Variants in ATP10B observed in about 807,000 individuals in gnomAD.
The protein encoded by ATP10B is ATPase phospholipid transporting 10B (putative).
Under a neutral mutation model 141.2 loss-of-function variants are expected in ATP10B, and 122 were observed. The observed-to-expected ratio is 0.86, with a 90% confidence interval of 0.75 to 1.00. ATP10B has a LOEUF of 1.00. Among genes scored for constraint, ATP10B ranks in the 50% least tolerant of loss-of-function variants. ATP10B has a pLI of 0.00. For missense variants in ATP10B, 1,876 were observed against 1,825.3 expected (o/e 1.03, Z -0.51); for synonymous variants, 685 against 692.0 (o/e 0.99, Z 0.16).
chr5:160,660,309 A>C (rs2127711658), intron 7 of ATP10B, among the ~76,000 whole-genome samples: 1 of 152,346 alleles, frequency 6.6e-6, no homozygotes, highest in Middle Eastern at 3.4e-3. Context: ...AAAGACCACT[A>C]ACGTTATGTG....
At chr5:160,753,716 C>T (rs1245158463) in intron 2 of ATP10B, among the ~76,000 whole-genome samples, 1 of 152,154 alleles carries the variant, frequency 6.6e-6, no homozygotes, top group African/African-American at 2.4e-5. Flanking sequence ...TGGTAGCTAA[C>T]ATTTATTGAG....
intron 1 of ATP10B, among the ~76,000 whole-genome samples, chr5:160,842,806 T>TA (rs1486659096): frequency 6.6e-6 from 1 of 150,646 alleles, no homozygotes. Flanking sequence ...TTTAAAACAT[T>TA]CCCACACACA....
chr5:160,901,872 A>G, the ATP10B span, among the ~76,000 whole-genome samples: 4 of 152,178 alleles, frequency 2.6e-5, no homozygotes, highest in Non-Finnish European at 5.9e-5. Flanking sequence ...GCTAAGCACC[A>G]TGTCTTATAG....
chr5:160,813,410 C>T (rs1265344306), intron 1 of ATP10B, among the ~76,000 whole-genome samples: 2 of 152,216 alleles, frequency 1.3e-5, no homozygotes, highest in African/African-American at 4.8e-5. Flanking sequence ...TAAGATCAAA[C>T]TGCAAGGCAG....
chr5:160,590,837 G>GTATAAATATAGCTTTCAGTTT (rs1245174990), intron 23 of ATP10B, among the ~76,000 whole-genome samples: 9 of 152,300 alleles, frequency 5.9e-5, no homozygotes, highest in African/African-American at 2.2e-4. Flanking sequence ...AAATGACCCA[G>GTATAAATATAGCTTTCAGTTT]TATAAATATA....
At chr5:160,869,393 A>G in the ATP10B span, among the ~76,000 whole-genome samples, 1 of 151,844 alleles carries the variant, frequency 6.6e-6, no homozygotes, top group Non-Finnish European at 1.5e-5. Context: ...AAACATAAAT[A>G]TTATTTAAAA....
chr5:160,606,754 A>G lies in ATP10B; in HGVS notation c.3160+11T>C, dbSNP rs1757414242. ...GCCAAAGTGCCACCCGCATCTCAGT[A>G]TGATGGGTACCTATGGAAAGGGTCA... On this transcript the variant is annotated intron_variant, in intron 19 of 25. Transcript: ENST00000327245. The G allele has an allele frequency of 1.2e-6, 2 of 1,607,834 alleles. No individual in the cohort carries two copies. Among genetic ancestry groups the G allele is most frequent in the Non-Finnish European group, 1.7e-6 (2 of 1,175,346 alleles).
intron 1 of ATP10B, among the ~76,000 whole-genome samples, chr5:160,817,212 G>T (rs150115068): frequency 0.34 from 51,729 of 151,908 alleles, 9,813 homozygotes; most frequent in East Asian, 0.45. Context: ...GAAGTCAAAT[G>T]GTCCCTGTTT....
At chr5:160,621,235 G>A (rs1280933431) in intron 14 of ATP10B, among the ~76,000 whole-genome samples, 3 of 152,138 alleles carry the variant, frequency 2.0e-5, no homozygotes, top group Non-Finnish European at 2.9e-5. Context: ...CTTTGAGTGC[G>A]GTATCTCATT....
intron 2 of ATP10B, among the ~76,000 whole-genome samples, chr5:160,732,020 G>A (rs549513937): frequency 1.3e-5 from 2 of 152,160 alleles, no homozygotes; most frequent in Non-Finnish European, 2.9e-5. Context: ...ATTCTCAAAG[G>A]AAAAGACCAT....
chr5:160,905,680 C>A, the ATP10B span, among the ~76,000 whole-genome samples: 1 of 151,944 alleles, frequency 6.6e-6, no homozygotes, highest in South Asian at 2.1e-4. Flanking sequence ...GGACCTGGGA[C>A]TCAATGAGTG....
chr5:160,926,463 G>A, the ATP10B span, among the ~76,000 whole-genome samples: 16 of 152,264 alleles, frequency 1.1e-4, no homozygotes, highest in African/African-American at 2.9e-4. Context: ...GAAGACTAGC[G>A]CAGGGAAATA....
the ATP10B span, among the ~76,000 whole-genome samples, chr5:160,884,511 C>T: frequency 2.0e-5 from 3 of 152,238 alleles, no homozygotes; most frequent in African/African-American, 7.2e-5. Flanking sequence ...AACTGGCTAT[C>T]TCAGCCTGAT....
chr5:160,645,265 C>A (rs79844277), intron 8 of ATP10B, among the ~76,000 whole-genome samples: 1 of 152,200 alleles, frequency 6.6e-6, no homozygotes, highest in Non-Finnish European at 1.5e-5. Flanking sequence ...CAAGGACTGG[C>A]AGTGTTCACA....
At chr5:160,793,495 T>C (rs1052355250) in intron 1 of ATP10B, among the ~76,000 whole-genome samples, 2 of 152,230 alleles carry the variant, frequency 1.3e-5, no homozygotes, top group Non-Finnish European at 2.9e-5. Flanking sequence ...AATACAGTCA[T>C]ACGCTAAATA....
chr5:160,656,812 G>A (rs1047557240), intron 7 of ATP10B, among the ~76,000 whole-genome samples: 8 of 152,088 alleles, frequency 5.3e-5, no homozygotes, highest in African/African-American at 1.4e-4. Context: ...ATTCACGAAA[G>A]ATTCTGTCGA....
chr5:160,913,519 G>A, the ATP10B span, among the ~76,000 whole-genome samples: 1 of 152,232 alleles, frequency 6.6e-6, no homozygotes, highest in East Asian at 1.9e-4. Flanking sequence ...TCCTCCCTGA[G>A]CTCGTTATCC....
At chr5:160,885,388 G>C in the ATP10B span, among the ~76,000 whole-genome samples, 3 of 152,220 alleles carry the variant, frequency 2.0e-5, no homozygotes, top group African/African-American at 4.8e-5. Flanking sequence ...TCCTCAGTGA[G>C]TGAGTGTCTT....
chr5:160,689,551 C>T (rs1295531530), intron 3 of ATP10B, among the ~76,000 whole-genome samples: 1 of 152,074 alleles, frequency 6.6e-6, no homozygotes, highest in East Asian at 1.9e-4. Flanking sequence ...AATCAATGTG[C>T]AAAAATCACA....
Sources: gnomAD v4.1 joint callset for allele counts (sites outside exome capture counted in the v4.1 genomes callset) on GRCh38, gnomAD v4.1.1 for gene constraint, MANE v1.5 for transcripts, NCBI Gene and HGNC (gene_info 2026-07-23, HGNC 2026-07-21) for gene names.